The following ANXA11 variants were observed in gnomAD, a reference collection of about 807,000 sequenced individuals.
ANXA11 encodes the protein annexin A11, also known as 56 kDa autoantigen.
In ANXA11, 57 loss-of-function variants were observed where a neutral mutation model predicts 64.7. That is an observed-to-expected ratio of 0.88 (90% confidence interval 0.71 to 1.10). The LOEUF (loss-of-function observed/expected upper bound fraction) is 1.10, where lower values mean the gene tolerates loss of function less well. Ranked by LOEUF, ANXA11 falls within the 50% of genes least tolerant of loss-of-function variation. The pLI, the probability that ANXA11 is intolerant of heterozygous loss-of-function variation, is 0.00. For synonymous variants in ANXA11, 260 were observed against 265.2 expected (o/e 0.98, Z 0.19); for missense variants, 675 against 670.7 (o/e 1.01, Z -0.07).
rs779634089 is a variant in ANXA11 at position 80,169,305 on chromosome 10, A to C, written c.225T>G (p.Pro75=). Residue 75 remains proline, a synonymous_variant, in exon 5 of 16, where the codon CCT becomes CCG. Transcript: ENST00000422982. The part of the protein sequence containing the change: ...FGGANMPNLY[P]GAPGAGYPPV... ...GTGGGTAGCCAGCCCCAGGGGCCCCAGGGTACAGGTTGGGCATGTTGGCTC... is the reference window on the plus strand; with the variant it reads ...GTGGGTAGCCAGCCCCAGGGGCCCCCGGGTACAGGTTGGGCATGTTGGCTC... 6.2e-7 allele frequency: 1 copy of C among 1,611,214 alleles called. No homozygotes were observed. Among genetic ancestry groups the C allele is most frequent in the Non-Finnish European group, 8.5e-7 (1 of 1,179,810 alleles).
At chr10:80,157,838 C>G in intron 14 of ANXA11, 75 bp from the exon 15 acceptor site, 1 of 1,589,422 alleles carries the variant, frequency 6.3e-7, no homozygotes, top group Non-Finnish European at 8.6e-7. Flanking sequence ...CTCCAGTCCC[C>G]TCCCTACCCA....
At chr10:80,196,167 T>C (rs1840153404) in intron 1 of ANXA11, among the ~76,000 whole-genome samples, 1 of 152,246 alleles carries the variant, frequency 6.6e-6, no homozygotes, top group South Asian at 2.1e-4. Flanking sequence ...ACCTCCACAA[T>C]GCTCCTATTG....
intron 1 of ANXA11, among the ~76,000 whole-genome samples, chr10:80,179,036 T>C (rs1846268442): frequency 6.6e-6 from 1 of 152,224 alleles, no homozygotes. Context: ...CCTGCCCAAA[T>C]TGTAATTTCT....
rs2819953 is a variant in ANXA11, at chr10:80,170,686, C to A, written c.171+114G>T. 0.057 allele frequency: 44,344 copies of A among 775,116 alleles called. 1,405 individuals carry two copies. The highest frequency in any genetic ancestry group is 0.084 in the African/African-American group (4,625 of 55,376). 48.0% of individuals were successfully genotyped at this position (775,116 alleles called of 1,614,324 possible). A position where few individuals can be genotyped will look rare whatever the true frequency, so the allele number is the denominator to read the frequency against. Reference sequence around the variant, plus strand: ...CTAAGGTACAGCTCAACACACTACACACCACAGCAACACACACATAGACAA... The same window carrying A: ...CTAAGGTACAGCTCAACACACTACAAACCACAGCAACACACACATAGACAA... On this transcript the variant is annotated intron_variant, in intron 4 of 15. Transcript: ENST00000422982.
In ANXA11 at chr10:80,161,728, C is replaced by T. The variant is rs117732923; in HGVS notation, c.1180+207G>A. Among the ~76,000 whole-genome samples, 65 of 152,382 alleles carry T rather than the reference C, an allele frequency of 4.3e-4. 1 individual carries two copies. In the East Asian group the frequency reaches 0.012, roughly 28 times the overall value. ...CACGTACAAAGACACCAGGTTTCTA[C>T]ACCGGTAGAACCTCCAGAACTGGAT... On this transcript the variant is annotated intron_variant, in intron 12 of 15. Coordinates refer to ENST00000422982, the MANE Select transcript of ANXA11 (RefSeq NM_145868.2).
chr10:80,156,568 G>A (rs547497095), intron 15 of ANXA11: 3 of 439,964 alleles, frequency 6.8e-6, no homozygotes, highest in Admixed American at 5.0e-5. Flanking sequence ...GACTGAAGTG[G>A]AATGGCGTGA....
intron 8 of ANXA11, among the ~76,000 whole-genome samples, chr10:80,165,613 A>G (rs1270670308): frequency 2.0e-5 from 3 of 152,184 alleles, no homozygotes; most frequent in African/African-American, 4.8e-5. Context: ...CTCAGGAGAG[A>G]CAGAGACCAG....
chr10:80,201,713 G>A (rs532200643), intron 1 of ANXA11, among the ~76,000 whole-genome samples: 6 of 152,236 alleles, frequency 3.9e-5, no homozygotes, highest in Admixed American at 1.3e-4. Flanking sequence ...AAAAATAGCC[G>A]TGACCTTTTT....
chr10:80,184,793 G>A (rs912838320), intron 1 of ANXA11, among the ~76,000 whole-genome samples: 6 of 152,184 alleles, frequency 3.9e-5, no homozygotes, highest in African/African-American at 1.4e-4. Flanking sequence ...GCTCTACCTA[G>A]TGGTGATGCT....
chr10:80,160,252 T>C (rs1456158185), intron 12 of ANXA11, among the ~76,000 whole-genome samples: 1 of 152,204 alleles, frequency 6.6e-6, no homozygotes, highest in Non-Finnish European at 1.5e-5. Flanking sequence ...TCTGTACTCA[T>C]TAAAAGAAAT....
intron 11 of ANXA11, among the ~76,000 whole-genome samples, chr10:80,162,657 C>T (rs1395053682): frequency 6.6e-6 from 1 of 152,228 alleles, no homozygotes; most frequent in Admixed American, 6.5e-5. Context: ...AGGGGGCATT[C>T]CTTGAGGTCT....
At chr10:80,200,622 T>C (rs1356936219) in intron 1 of ANXA11, among the ~76,000 whole-genome samples, 3 of 152,168 alleles carry the variant, frequency 2.0e-5, no homozygotes, top group Non-Finnish European at 2.9e-5. Context: ...AGCAGGGATA[T>C]AAGGGTAACT....
chr10:80,167,869 C>T (rs1845809356), intron 5 of ANXA11, among the ~76,000 whole-genome samples: 1 of 152,192 alleles, frequency 6.6e-6, no homozygotes, highest in African/African-American at 2.4e-5. Context: ...GATAGCTGCA[C>T]AAACCCGCAA....
At chr10:80,157,043 T>C in intron 15 of ANXA11, 1 of 985,052 alleles carries the variant, frequency 1.0e-6, no homozygotes, top group Non-Finnish European at 1.2e-6. Flanking sequence ...TGGCTAGTGT[T>C]TAATAGACAC....
Position 80,154,756 on chromosome 10 carries a change from T to C in ANXA11, c.*1097A>G, listed in dbSNP as rs1845222341. ...ACCCTGAGGGGAGGCACTGGTCTTG[T>C]GACTCTCTGGGTTGTCCCCATCCTT... On this transcript the variant is annotated 3_prime_UTR_variant, in exon 16 of 16. Coordinates refer to ENST00000422982, the MANE Select transcript of ANXA11 (RefSeq NM_145868.2). 6.6e-6 allele frequency: 1 copy of C among 152,260 alleles called. No individual in the cohort carries two copies. The highest frequency in any genetic ancestry group is 2.4e-5 in the African/African-American group (1 of 41,466). 9.4% of individuals were successfully genotyped at this position (152,260 alleles called of 1,614,324 possible). A position where few individuals can be genotyped will look rare whatever the true frequency, so the allele number is the denominator to read the frequency against.
chr10:80,185,422 T>C (rs1286926986), intron 1 of ANXA11, among the ~76,000 whole-genome samples: 1 of 152,222 alleles, frequency 6.6e-6, no homozygotes, highest in Non-Finnish European at 1.5e-5. Context: ...AAGAGATTAG[T>C]TGCCCGAAAA....
chr10:80,186,300 A>C (rs1404774783), intron 1 of ANXA11, among the ~76,000 whole-genome samples: 1 of 148,822 alleles, frequency 6.7e-6, no homozygotes, highest in Non-Finnish European at 1.5e-5. Flanking sequence ...AGGGGGAAGG[A>C]GGGGGGTAGG....
chr10:80,175,662 T>C (rs1307317266), intron 2 of ANXA11, among the ~76,000 whole-genome samples: 1 of 151,962 alleles, frequency 6.6e-6, no homozygotes, highest in Non-Finnish European at 1.5e-5. Context: ...CAATAACCAC[T>C]AGAGAAACTG....
chr10:80,167,043 A>C (rs1386021658), intron 6 of ANXA11, 59 bp from the exon 7 acceptor site: 4 of 1,418,258 alleles, frequency 2.8e-6, no homozygotes, highest in African/African-American at 2.8e-5. Context: ...TCTGCAGCTG[A>C]GACTTCCCTG....
Sources: gnomAD v4.1 joint callset for allele counts (sites outside exome capture counted in the v4.1 genomes callset) on GRCh38, gnomAD v4.1.1 for gene constraint, MANE v1.5 for transcripts, NCBI Gene and HGNC (gene_info 2026-07-23, HGNC 2026-07-21) for gene names.